PTPRD: variants seen among roughly 807,000 people sequenced by gnomAD.
PTPRD encodes the protein receptor-type tyrosine-protein phosphatase delta.
In PTPRD, 34 loss-of-function variants were observed where a neutral mutation model predicts 214.5. The observed-to-expected ratio is 0.16, with a 90% CI of 0.12 to 0.21. The LOEUF (loss-of-function observed/expected upper bound fraction) is 0.21, where lower values mean the gene tolerates loss of function less well. PTPRD is among the 10% of genes least tolerant of loss of function. The pLI is 1.00. For missense variants in PTPRD, 2,545 were observed against 2,398.7 expected (o/e 1.06, Z -1.27); for synonymous variants, 1,128 against 845.7 (o/e 1.33, Z -5.79).
intron 9 of PTPRD, among the ~76,000 whole-genome samples, chr9:9,357,170 G>T (rs1327394440): frequency 6.6e-6 from 1 of 151,268 alleles, no homozygotes; most frequent in Admixed American, 6.6e-5. Context: ...GCAAACAGCT[G>T]ATTTAGACAC....
At chr9:10,012,223 G>T (rs960414743) in intron 4 of PTPRD, among the ~76,000 whole-genome samples, 1 of 151,796 alleles carries the variant, frequency 6.6e-6, no homozygotes, top group Non-Finnish European at 1.5e-5. Context: ...GAATATTAAA[G>T]GGATAATCAT....
At chr9:10,036,861 C>G (rs886168181) in intron 3 of PTPRD, among the ~76,000 whole-genome samples, 5 of 141,608 alleles carry the variant, frequency 3.5e-5, no homozygotes, top group Non-Finnish European at 7.7e-5. Context: ...GGATTACAGG[C>G]CTGAGCCAAA....
At chr9:9,840,041 ATTT>A (rs1003638172) in intron 5 of PTPRD, among the ~76,000 whole-genome samples, 4 of 151,884 alleles carry the variant, frequency 2.6e-5, no homozygotes, top group African/African-American at 9.7e-5. Flanking sequence ...TATTATTATT[ATTT>A]ATTATTTTTC....
chr9:10,210,560 A>T (rs560650183), intron 3 of PTPRD, among the ~76,000 whole-genome samples: 1 of 151,802 alleles, frequency 6.6e-6, no homozygotes, highest in Admixed American at 6.6e-5. Context: ...TCCACTAGTT[A>T]TAAGTCCTCA....
intron 5 of PTPRD, among the ~76,000 whole-genome samples, chr9:9,769,451 G>C (rs1425931176): frequency 6.9e-6 from 1 of 145,100 alleles, no homozygotes; most frequent in African/African-American, 2.6e-5. Context: ...TCAGCCTCCC[G>C]AGCAGCTGGG....
At chr9:9,757,005 AAT>A (rs1443860456) in intron 6 of PTPRD, among the ~76,000 whole-genome samples, 1 of 152,188 alleles carries the variant, frequency 6.6e-6, no homozygotes, top group Non-Finnish European at 1.5e-5. Flanking sequence ...ACTTTTATAG[AAT>A]CACTGTTTTC....
chr9:8,403,468 C>T lies in PTPRD; in HGVS notation c.4210+1069G>A, dbSNP rs533962298. Among the ~76,000 whole-genome samples, 236 of 152,290 alleles carry T rather than the reference C, an allele frequency of 1.5e-3. 2 individuals are homozygous for T. The highest frequency in any genetic ancestry group is 2.7e-3 in the Non-Finnish European group (181 of 68,014). On this transcript the variant is annotated intron_variant, in intron 36 of 45. Coordinates refer to ENST00000381196, the MANE Select transcript of PTPRD (RefSeq NM_002839.4). ...CTGTTAGAGGCACAGATTTAAGTGGCCTCCTAAACTATTTTCTAAGGACTT... is the reference window on the plus strand; with the variant it reads ...CTGTTAGAGGCACAGATTTAAGTGGTCTCCTAAACTATTTTCTAAGGACTT...
chr9:9,449,713 T>C (rs1029958107), intron 8 of PTPRD, among the ~76,000 whole-genome samples: 1 of 151,982 alleles, frequency 6.6e-6, no homozygotes, highest in South Asian at 2.1e-4. Context: ...ATAACCTCAA[T>C]TATATCTTAT....
Position 10,046,873 on chromosome 9 carries a change from T to C in PTPRD, c.-544-13083A>G, listed in dbSNP as rs575600866. Among the ~76,000 whole-genome samples, 4 of 152,064 alleles carry C rather than the reference T, an allele frequency of 2.6e-5. No homozygotes were observed. The South Asian group carries it at 8.3e-4, about 32-fold the overall frequency. On this transcript the variant is annotated intron_variant, in intron 3 of 45. Coordinates refer to ENST00000381196, the MANE Select transcript of PTPRD (RefSeq NM_002839.4). ...CGAAAACTGAGCTAGTCTCAAAACA[T>C]CACGACACCTGTCATATAAAAATGT...
chr9:9,103,419 C>T (rs572795507), intron 10 of PTPRD, among the ~76,000 whole-genome samples: 4 of 151,482 alleles, frequency 2.6e-5, no homozygotes, highest in Admixed American at 6.6e-5. Flanking sequence ...AAAAAATTTT[C>T]GTAAGTAATT....
intron 29 of PTPRD, 50 bp downstream of exon 29, chr9:8,485,177 G>A (rs117337760): frequency 2.0e-6 from 3 of 1,485,124 alleles, no homozygotes; most frequent in Non-Finnish European, 2.8e-6. Flanking sequence ...CAGATAAACT[G>A]TCCCCTCTAC....
At chr9:9,460,327 T>C (rs2093529126) in intron 8 of PTPRD, among the ~76,000 whole-genome samples, 3 of 151,344 alleles carry the variant, frequency 2.0e-5, no homozygotes, top group African/African-American at 7.3e-5. Flanking sequence ...GCAACAACAA[T>C]AAAAATAGAC....
chr9:9,299,309 G>T (rs996885062), intron 9 of PTPRD, among the ~76,000 whole-genome samples: 4 of 151,688 alleles, frequency 2.6e-5, no homozygotes, highest in African/African-American at 7.3e-5. Context: ...TTGCCCCCCA[G>T]AGGACATTTG....
chr9:10,115,142 A>C (rs2154240452), intron 3 of PTPRD, among the ~76,000 whole-genome samples: 1 of 152,140 alleles, frequency 6.6e-6, no homozygotes, highest in Admixed American at 6.6e-5. Flanking sequence ...TACGAGGATT[A>C]AAAAGAAAAG....
At chr9:9,606,489 T>G (rs1462880807) in intron 7 of PTPRD, among the ~76,000 whole-genome samples, 16 of 152,092 alleles carry the variant, frequency 1.1e-4, no homozygotes, top group Non-Finnish European at 1.9e-4. Context: ...ATTATTAAAT[T>G]GTGTCACATG....
chr9:10,175,529 G>A (rs182475635), intron 3 of PTPRD, among the ~76,000 whole-genome samples: 1 of 152,108 alleles, frequency 6.6e-6, no homozygotes, highest in Admixed American at 6.5e-5. Flanking sequence ...TGAACAGAAA[G>A]TGATGGCCTA....
intron 5 of PTPRD, among the ~76,000 whole-genome samples, chr9:9,857,328 T>A (rs750549133): frequency 6.6e-6 from 1 of 152,212 alleles, no homozygotes; most frequent in African/African-American, 2.4e-5. Flanking sequence ...TACTTCCAAT[T>A]TGACTTGGCA....
At chr9:8,446,498 T>C (rs560492673) in intron 34 of PTPRD, among the ~76,000 whole-genome samples, 158 of 152,312 alleles carry the variant, frequency 1.0e-3, no homozygotes, top group African/African-American at 3.6e-3. Flanking sequence ...AACAGACCCA[T>C]CAGAAGCAGA....
intron 2 of PTPRD, among the ~76,000 whole-genome samples, chr9:10,450,516 T>C (rs1029920929): frequency 6.6e-6 from 1 of 152,040 alleles, no homozygotes; most frequent in Non-Finnish European, 1.5e-5. Context: ...TCAGAATTTA[T>C]AGTCCCTAAT....
Sources: gnomAD v4.1 joint callset for allele counts (sites outside exome capture counted in the v4.1 genomes callset) on GRCh38, gnomAD v4.1.1 for gene constraint, MANE v1.5 for transcripts, NCBI Gene and HGNC (gene_info 2026-07-23, HGNC 2026-07-21) for gene names.